The following SOS1 variants were observed in gnomAD, a reference collection of about 807,000 sequenced individuals.
SOS1 encodes the protein SOS Ras/Rac guanine nucleotide exchange factor 1.
SOS1 carries 25 observed loss-of-function variants against 157.6 expected under a neutral mutation model. The observed-to-expected ratio is 0.16, with a 90% CI of 0.12 to 0.22. SOS1 has a LOEUF of 0.22. Among genes scored for constraint, SOS1 ranks in the 10% least tolerant of loss-of-function variants. The pLI, the probability that SOS1 is intolerant of heterozygous loss-of-function variation, is 1.00. For missense variants in SOS1, 1,237 were observed against 1,599.1 expected (o/e 0.77, Z 3.86); for synonymous variants, 528 against 534.0 (o/e 0.99, Z 0.16).
chr2:39,033,221 G>GAA (rs11383706), intron 8 of SOS1, among the ~76,000 whole-genome samples: 7,695 of 124,340 alleles, frequency 0.062, 412 homozygotes, highest in Non-Finnish European at 0.081. Flanking sequence ...TAGGTGTGCA[G>GAA]AAAAAAAAAA....
chr2:39,102,414 A>C (rs373542117), intron 1 of SOS1, among the ~76,000 whole-genome samples: 1 of 149,428 alleles, frequency 6.7e-6, no homozygotes, highest in East Asian at 2.0e-4. Context: ...AGTCCTAGCT[A>C]CTCAGCTAGA....
upstream of SOS1, chr2:39,124,087 G>A (rs555885109): frequency 6.6e-6 from 1 of 152,356 alleles, no homozygotes; most frequent in Non-Finnish European, 1.5e-5. Context: ...TCGCAGCGGG[G>A]AGACCTACAG....
chr2:39,011,389 A>G (rs924668937), intron 14 of SOS1, among the ~76,000 whole-genome samples: 4 of 152,166 alleles, frequency 2.6e-5, no homozygotes, highest in African/African-American at 9.7e-5. Flanking sequence ...AATCAGTTCA[A>G]AGAGGGTACA....
At chr2:39,042,982 A>G (rs1438497411) in intron 6 of SOS1, among the ~76,000 whole-genome samples, 1 of 152,186 alleles carries the variant, frequency 6.6e-6, no homozygotes, top group Middle Eastern at 3.2e-3. Context: ...AAATAGGACA[A>G]CTTTGTCTTG....
intron 1 of SOS1, among the ~76,000 whole-genome samples, chr2:39,084,768 C>A (rs2148176844): frequency 6.6e-6 from 1 of 152,250 alleles, no homozygotes; most frequent in South Asian, 2.1e-4. Context: ...AAATTCATAT[C>A]ATTTTTCATG....
At chr2:39,030,110 G>A (rs1414766605) in intron 8 of SOS1, among the ~76,000 whole-genome samples, 3 of 152,070 alleles carry the variant, frequency 2.0e-5, no homozygotes, top group African/African-American at 7.2e-5. Flanking sequence ...AGGTTACAGT[G>A]AGCTGTGATA....
At chr2:39,120,258 G>T (rs1449910946) in intron 1 of SOS1, 78 bp downstream of exon 1, 26 of 1,295,444 alleles carry the variant, frequency 2.0e-5, no homozygotes, top group Non-Finnish European at 2.6e-5. Flanking sequence ...CCCTGCGCGC[G>T]CCCCGCCTCC....
chr2:39,044,864 G>GCGCA (rs147443441), intron 6 of SOS1, among the ~76,000 whole-genome samples: 250 of 147,750 alleles, frequency 1.7e-3, no homozygotes, highest in Admixed American at 6.7e-3. Context: ...GCGCGCGCGC[G>GCGCA]CACACACACA....
chr2:39,061,439 G>A (rs1671400995), intron 2 of SOS1, among the ~76,000 whole-genome samples: 1 of 152,094 alleles, frequency 6.6e-6, no homozygotes, highest in South Asian at 2.1e-4. Context: ...CCGAGCTGGA[G>A]TGCAATGATG....
At chr2:39,113,321 G>T (rs1332915375) in intron 1 of SOS1, among the ~76,000 whole-genome samples, 1 of 151,088 alleles carries the variant, frequency 6.6e-6, no homozygotes, top group Non-Finnish European at 1.5e-5. Context: ...CTCCTGAGTA[G>T]CTGAGACTAC....
intron 1 of SOS1, among the ~76,000 whole-genome samples, chr2:39,112,955 G>A (rs1673494339): frequency 1.3e-5 from 2 of 151,800 alleles, no homozygotes; most frequent in African/African-American, 4.8e-5. Flanking sequence ...AGAGTTGCTG[G>A]AACCTGGGAG....
chr2:38,990,691 T>C (rs1668705373), intron 20 of SOS1, among the ~76,000 whole-genome samples: 1 of 152,192 alleles, frequency 6.6e-6, no homozygotes, highest in South Asian at 2.1e-4. Context: ...CTCATGACTG[T>C]TACAACTATA....
Position 39,120,380 on chromosome 2 carries a change from T to A in SOS1, c.43A>T (p.Asn15Tyr). 1.2e-6 allele frequency: 2 copies of A among 1,602,096 alleles called. No individual in the cohort carries two copies. The highest frequency in any genetic ancestry group is 1.7e-6 in the Non-Finnish European group (2 of 1,175,392). ...QLPYEFFSEE[N>Y]APKWRGLLVP... Reference sequence around the variant, plus strand: ...AGTAGTCCCCGCCACTTGGGCGCGTTCTCTTCGCTGAAAAACTCGTAGGGC... The same window carrying A: ...AGTAGTCCCCGCCACTTGGGCGCGTACTCTTCGCTGAAAAACTCGTAGGGC... The change falls in exon 1 of 23, where the codon AAC becomes TAC. Residue 15 changes from asparagine to tyrosine, a missense_variant. Asn to Tyr is a moderately radical substitution (Grantham distance 143). This residue lies in a region of SOS1 where 99 missense variants were observed against 81.6 expected (regional missense o/e 1.21). Transcript: ENST00000402219.
At chr2:39,103,767 A>G (rs1487550506) in intron 1 of SOS1, among the ~76,000 whole-genome samples, 2 of 152,264 alleles carry the variant, frequency 1.3e-5, no homozygotes. Context: ...AAAAAGCACA[A>G]GACAATGAAA....
rs1175624525 is a variant in SOS1, at chr2:39,067,840, C to T, written c.88-87G>A. On this transcript the variant is annotated intron_variant, in intron 1 of 22. Coordinates refer to ENST00000402219, the MANE Select transcript of SOS1 (RefSeq NM_005633.4). ...ACTTTAAAAAATGTGGGTTTGTGGC[C>T]GGGCACGGTGGCTCATGCCTGTAAT... The T allele has an allele frequency of 3.8e-5, 46 of 1,209,686 alleles. 1 individual carries two copies. In the South Asian group the frequency reaches 5.0e-4, roughly 13 times the overall value. 74.9% of individuals were successfully genotyped at this position (1,209,686 alleles called of 1,614,324 possible). A position where few individuals can be genotyped will look rare whatever the true frequency, so the allele number is the denominator to read the frequency against.
intron 1 of SOS1, among the ~76,000 whole-genome samples, chr2:39,097,559 C>CTT (rs141309255): frequency 9.0e-5 from 13 of 143,730 alleles, no homozygotes; most frequent in African/African-American, 1.5e-4. Flanking sequence ...TCTTTTTTTT[C>CTT]TTTTTTTTTT....
At chr2:39,080,519 A>G (rs1485189352) in intron 1 of SOS1, among the ~76,000 whole-genome samples, 1 of 152,226 alleles carries the variant, frequency 6.6e-6, no homozygotes, top group African/African-American at 2.4e-5. Flanking sequence ...TTTTCAATGT[A>G]TATTTCAAAG....
chr2:39,083,316 G>A (rs895323110), intron 1 of SOS1, among the ~76,000 whole-genome samples: 4 of 152,054 alleles, frequency 2.6e-5, no homozygotes, highest in Non-Finnish European at 4.4e-5. Flanking sequence ...CATCCAAGCA[G>A]CAAGCAGATG....
In SOS1 at chr2:39,106,981, T is replaced by C. The variant is rs186103177; in HGVS notation, c.87+13355A>G. 5.9e-4 allele frequency among the ~76,000 whole-genome samples: 90 copies of C among 152,346 alleles called. No homozygotes were observed. The East Asian group carries it at 0.01, about 17-fold the overall frequency. The stretch of plus-strand genomic sequence containing the variant: ...TATTTAATTACATAAACATTGAATA[T>C]GAATGCAAAGTTTATATGATTAGCT... On this transcript the variant is annotated intron_variant, in intron 1 of 22. Coordinates refer to ENST00000402219, the MANE Select transcript of SOS1 (RefSeq NM_005633.4).
Sources: allele counts gnomAD v4.1 joint callset (sites outside exome capture counted in the v4.1 genomes callset), GRCh38; gene constraint gnomAD v4.1.1; regional missense constraint gnomAD v4.1.1; transcripts MANE v1.5; gene names NCBI Gene and HGNC (gene_info 2026-07-23, HGNC 2026-07-21).